The following DNM3 variants were observed in gnomAD, a reference collection of about 807,000 sequenced individuals.
DNM3 encodes the protein dynamin-3.
A neutral mutation model predicts 101.6 loss-of-function variants in DNM3; 47 were observed. That is an observed-to-expected ratio of 0.46 (90% CI 0.37 to 0.59). DNM3 has a LOEUF of 0.59. Ranked by LOEUF, DNM3 falls within the 20% of genes least tolerant of loss-of-function variation. The pLI, the probability that DNM3 is intolerant of heterozygous loss-of-function variation, is 0.00. For synonymous variants in DNM3, 385 were observed against 387.9 expected (o/e 0.99, Z 0.09); for missense variants, 849 against 1,085.7 (o/e 0.78, Z 3.06).
intron 1 of DNM3, among the ~76,000 whole-genome samples, chr1:171,842,817 G>A (rs1278418821): frequency 6.6e-6 from 1 of 152,202 alleles, no homozygotes; most frequent in Admixed American, 6.5e-5. Context: ...AGCAATTCAT[G>A]AGGGATTAAG....
chr1:172,317,215 A>C (rs1248268789), intron 16 of DNM3, among the ~76,000 whole-genome samples: 1 of 148,278 alleles, frequency 6.7e-6, no homozygotes, highest in East Asian at 2.0e-4. Context: ...AACATACCAG[A>C]ATCTCTGGGA....
Position 172,409,827 on chromosome 1 carries a change from T to C in DNM3, c.*1986T>C. The C allele has an allele frequency of 4.1e-6, 4 of 985,774 alleles. No individual in the cohort carries two copies. The highest frequency in any genetic ancestry group is 4.8e-6 in the Non-Finnish European group (4 of 829,880). The allele number at this position is 985,774 out of a possible 1,614,324, so 61.1% of individuals were successfully genotyped here. On this transcript the variant is annotated 3_prime_UTR_variant, in exon 21 of 21. Coordinates refer to ENST00000627582, the MANE Select transcript of DNM3 (RefSeq NM_015569.5). The stretch of plus-strand genomic sequence containing the variant: ...TTATATACTTCAGGGTTTGGCTTTG[T>C]GCTAAATGTGGTTTTGTGTTTTGCT...
At chr1:172,288,630 A>G (rs1444584840) in intron 15 of DNM3, among the ~76,000 whole-genome samples, 1 of 152,206 alleles carries the variant, frequency 6.6e-6, no homozygotes, top group African/African-American at 2.4e-5. Context: ...AATGGGAGCT[A>G]TTAACTGGCT....
intron 4 of DNM3, among the ~76,000 whole-genome samples, chr1:172,025,422 T>C (rs1241586961): frequency 6.6e-6 from 1 of 152,228 alleles, no homozygotes; most frequent in Non-Finnish European, 1.5e-5. Flanking sequence ...AAGAGAGCAG[T>C]GGATCTCTTA....
intron 15 of DNM3, among the ~76,000 whole-genome samples, chr1:172,266,437 A>G (rs1352255528): frequency 6.6e-6 from 1 of 152,134 alleles, no homozygotes; most frequent in Non-Finnish European, 1.5e-5. Context: ...AAAGCATGTA[A>G]TATTCTGGAC....
At chr1:172,316,477 CTG>C (rs2065362733) in intron 16 of DNM3, among the ~76,000 whole-genome samples, 1 of 152,028 alleles carries the variant, frequency 6.6e-6, no homozygotes. Context: ...CATCAGTGTG[CTG>C]TATTCAGGAA....
chr1:172,393,809 G>T (rs3768445), intron 20 of DNM3: 107,272 of 152,462 alleles, frequency 0.7, 40,778 homozygotes, highest in East Asian at 0.88. Flanking sequence ...AAGGAAAGAT[G>T]TTTTTTTAAG....
chr1:172,316,663 T>G (rs9425553), intron 16 of DNM3, among the ~76,000 whole-genome samples: 13,846 of 151,448 alleles, frequency 0.091, 843 homozygotes, highest in African/African-American at 0.17. Context: ...TAATGGTAAA[T>G]GGATCAATTC....
intron 18 of DNM3, among the ~76,000 whole-genome samples, chr1:172,384,334 A>G (rs1013501228): frequency 6.6e-6 from 1 of 152,214 alleles, no homozygotes; most frequent in Non-Finnish European, 1.5e-5. Context: ...CCTAATGCCA[A>G]TGTAGCCTAT....
intron 1 of DNM3, among the ~76,000 whole-genome samples, chr1:171,894,103 T>C (rs978089222): frequency 6.6e-6 from 1 of 151,310 alleles, no homozygotes; most frequent in African/African-American, 2.4e-5. Context: ...ATTACAGGCG[T>C]GAGCCACAGC....
Position 172,225,167 on chromosome 1 carries a change from T to G in DNM3, c.1660-28406T>G, listed in dbSNP as rs569365181. Among the ~76,000 whole-genome samples, 380 of 124,516 alleles carry G rather than the reference T, an allele frequency of 3.1e-3. 1 individual carries two copies. The highest frequency in any genetic ancestry group is 5.1e-3 in the Non-Finnish European group (303 of 59,634). The allele number at this position is 124,516 out of a possible 152,430, so 81.7% of individuals were successfully genotyped here. A position where few individuals can be genotyped will look rare whatever the true frequency, so the allele number is the denominator to read the frequency against. On this transcript the variant is annotated intron_variant, in intron 14 of 20. Coordinates refer to ENST00000627582, the MANE Select transcript of DNM3 (RefSeq NM_015569.5). ...TTTTTTTTTTTTTTTTTTGAGATAGTCTTGCTGTGTCGCCAGGCTGGAGTG... is the reference window on the plus strand; with the variant it reads ...TTTTTTTTTTTTTTTTTTGAGATAGGCTTGCTGTGTCGCCAGGCTGGAGTG...
At chr1:172,113,497 G>A (rs1480260213) in intron 13 of DNM3, among the ~76,000 whole-genome samples, 4 of 151,850 alleles carry the variant, frequency 2.6e-5, no homozygotes, top group Admixed American at 6.6e-5. Flanking sequence ...GCGGGTGCCT[G>A]TAATCCCAGC....
At chr1:172,100,278 C>T (rs2054543979) in intron 13 of DNM3, among the ~76,000 whole-genome samples, 1 of 152,166 alleles carries the variant, frequency 6.6e-6, no homozygotes, top group Non-Finnish European at 1.5e-5. Context: ...ATGTTTCCTT[C>T]CAAACAGGGT....
intron 2 of DNM3, among the ~76,000 whole-genome samples, chr1:171,946,815 CAAGAGAGA>C (rs1208861359): frequency 6.6e-6 from 1 of 151,978 alleles, no homozygotes. Context: ...AGACAGGAGG[CAAGAGAGA>C]AAGAGAGAAA....
intron 14 of DNM3, among the ~76,000 whole-genome samples, chr1:172,206,527 C>CT (rs1553417234): frequency 2.6e-4 from 39 of 151,570 alleles, no homozygotes; most frequent in East Asian, 3.9e-4. Context: ...AATAATACTG[C>CT]TTTTTTTTTC....
chr1:172,106,559 A>C (rs556451291), intron 13 of DNM3, among the ~76,000 whole-genome samples: 1 of 152,264 alleles, frequency 6.6e-6, no homozygotes, highest in South Asian at 2.1e-4. Flanking sequence ...TCCCTATGTA[A>C]CAAACTTGCA....
At chr1:171,950,434 C>A (rs115014018) in intron 2 of DNM3, among the ~76,000 whole-genome samples, 175 of 152,224 alleles carry the variant, frequency 1.1e-3, no homozygotes, top group African/African-American at 3.9e-3. Context: ...TACTGTGTTA[C>A]TAGATGATTT....
At chr1:172,055,990 G>A (rs1035631987) in intron 10 of DNM3, among the ~76,000 whole-genome samples, 15 of 152,186 alleles carry the variant, frequency 9.9e-5, no homozygotes, top group South Asian at 2.1e-4. Context: ...TGCGTGCACC[G>A]TGCACGAGCC....
intron 15 of DNM3, among the ~76,000 whole-genome samples, chr1:172,262,023 G>A (rs2062675364): frequency 6.6e-6 from 1 of 152,178 alleles, no homozygotes; most frequent in South Asian, 2.1e-4. Context: ...CAGTGGTACT[G>A]GCTATGGTAG....
Sources: allele counts gnomAD v4.1 joint callset (sites outside exome capture counted in the v4.1 genomes callset), GRCh38; gene constraint gnomAD v4.1.1; transcripts MANE v1.5; gene names NCBI Gene and HGNC (gene_info 2026-07-23, HGNC 2026-07-21).